Variants in EHBP1 observed in about 807,000 individuals in gnomAD.
The protein encoded by EHBP1 is EH domain binding protein 1.
Under a neutral mutation model 144.0 loss-of-function variants are expected in EHBP1, and 55 were observed. That is an observed-to-expected ratio of 0.38 (90% CI 0.31 to 0.48). The LOEUF is 0.48. Among genes scored for constraint, EHBP1 ranks in the 20% least tolerant of loss-of-function variants. The pLI is 0.98. For synonymous variants in EHBP1, 469 were observed against 472.7 expected (o/e 0.99, Z 0.10); for missense variants, 1,200 against 1,364.2 (o/e 0.88, Z 1.90).
intron 1 of EHBP1, among the ~76,000 whole-genome samples, chr2:62,680,334 G>T (rs1015061202): frequency 6.6e-6 from 1 of 152,174 alleles, no homozygotes; most frequent in Non-Finnish European, 1.5e-5. Context: ...TGAATCTAAA[G>T]ATAAGTGAAT....
chr2:62,913,184 T>C (rs1423271460), intron 10 of EHBP1, among the ~76,000 whole-genome samples: 3 of 152,240 alleles, frequency 2.0e-5, no homozygotes, highest in Non-Finnish European at 1.5e-5. Flanking sequence ...ATTTATGTTT[T>C]AAGATTACTT....
intron 21 of EHBP1, among the ~76,000 whole-genome samples, chr2:63,043,586 T>C (rs1396312480): frequency 6.6e-6 from 1 of 152,214 alleles, no homozygotes; most frequent in Non-Finnish European, 1.5e-5. Flanking sequence ...TGCATCTAAT[T>C]TTTAATTTGT....
chr2:62,729,496 T>A (rs868365489), intron 2 of EHBP1, among the ~76,000 whole-genome samples: 86 of 56,296 alleles, frequency 1.5e-3, no homozygotes, highest in African/African-American at 5.6e-3. Context: ...AATATATAAA[T>A]ATATAATAAA....
intron 7 of EHBP1, 112 bp from the exon 8 acceptor site, chr2:62,859,057 C>A: frequency 9.8e-7 from 1 of 1,018,046 alleles, no homozygotes; most frequent in Non-Finnish European, 1.4e-6. Flanking sequence ...ATGCTATATA[C>A]TATTATTTGC....
chr2:62,913,359 GCTGATTTTTCA>G (rs1380660521), intron 10 of EHBP1, among the ~76,000 whole-genome samples: 5 of 152,068 alleles, frequency 3.3e-5, no homozygotes, highest in Non-Finnish European at 5.9e-5. Flanking sequence ...TTGAAGTTTT[GCTGATTTTTCA>G]CTGAGGACAA....
chr2:62,775,110 C>T (rs2041964957), intron 5 of EHBP1, among the ~76,000 whole-genome samples: 3 of 152,106 alleles, frequency 2.0e-5, no homozygotes. Context: ...TTTCTAAAGT[C>T]TCCAAAAGAG....
chr2:62,712,584 A>G (rs913758246), intron 2 of EHBP1, among the ~76,000 whole-genome samples: 2 of 152,234 alleles, frequency 1.3e-5, no homozygotes, highest in Admixed American at 6.5e-5. Context: ...TCAGGAATGT[A>G]TAACTGAGGG....
chr2:62,955,644 A>C lies in EHBP1; in HGVS notation c.2444A>C (p.Asn815Thr), dbSNP rs777718382. 12 of 1,611,218 alleles carry C rather than the reference A, an allele frequency of 7.4e-6. No homozygotes were observed. The Admixed American group carries it at 2.0e-4, about 27-fold the overall frequency. Reference protein sequence around the residue: ...HNTNTATPFCNRQLSDQQDEE... With the variant: ...HNTNTATPFCTRQLSDQQDEE... ...ACCAACACAGCCACCCCATTCTGCA[A>C]CAGGCAGCTAAGTGATGTGAGGAGC... Residue 815 changes from asparagine to threonine, a missense_variant, in exon 14 of 23, where the codon AAC (asparagine) becomes ACC (threonine). Transcript: ENST00000431489.
At chr2:62,886,133 A>G (rs531088806) in intron 10 of EHBP1, among the ~76,000 whole-genome samples, 1 of 152,300 alleles carries the variant, frequency 6.6e-6, no homozygotes, top group South Asian at 2.1e-4. Flanking sequence ...TTCACCTTAT[A>G]TAATGGCTTC....
At chr2:62,827,078 T>C (rs1425389650) in intron 6 of EHBP1, among the ~76,000 whole-genome samples, 1 of 152,182 alleles carries the variant, frequency 6.6e-6, no homozygotes, top group African/African-American at 2.4e-5. Context: ...TGAATCACAG[T>C]TCTGAATGTA....
chr2:63,020,628 ATCAG>A (rs1475057318), intron 19 of EHBP1, among the ~76,000 whole-genome samples: 7 of 152,074 alleles, frequency 4.6e-5, no homozygotes, highest in African/African-American at 1.4e-4. Flanking sequence ...AGCTACTGCT[ATCAG>A]TCAGAGTAGT....
intron 15 of EHBP1, among the ~76,000 whole-genome samples, chr2:62,985,017 T>C (rs530675391): frequency 6.6e-6 from 1 of 152,246 alleles, no homozygotes; most frequent in African/African-American, 2.4e-5. Flanking sequence ...TTGATTGTGA[T>C]GGTGGCCTCA....
intron 7 of EHBP1, among the ~76,000 whole-genome samples, chr2:62,832,457 T>TA (rs70962796): frequency 1.3e-5 from 2 of 149,726 alleles, no homozygotes; most frequent in Non-Finnish European, 3.0e-5. Context: ...TTTTTTTTTT[T>TA]ACAAATTGAA....
chr2:62,950,742 A>G (rs1335780539), intron 13 of EHBP1, among the ~76,000 whole-genome samples: 1 of 151,898 alleles, frequency 6.6e-6, no homozygotes. Context: ...CTGGAGTGCA[A>G]TGGTGCCATC....
intron 5 of EHBP1, among the ~76,000 whole-genome samples, chr2:62,818,021 A>G (rs1343062506): frequency 6.6e-6 from 1 of 152,022 alleles, no homozygotes; most frequent in Non-Finnish European, 1.5e-5. Context: ...GGACAGCAGT[A>G]TATACACAGC....
At chr2:62,939,642 A>G in intron 10 of EHBP1, among the ~76,000 whole-genome samples, 1 of 152,258 alleles carries the variant, frequency 6.6e-6, no homozygotes, top group East Asian at 1.9e-4. Flanking sequence ...TTAACCATGC[A>G]GATATCTGAG....
intron 10 of EHBP1, among the ~76,000 whole-genome samples, chr2:62,899,255 G>C (rs2053203377): frequency 6.6e-6 from 1 of 152,136 alleles, no homozygotes; most frequent in Non-Finnish European, 1.5e-5. Context: ...CAAGGCCATG[G>C]GGGACTGAGC....
chr2:62,829,605 A>G (rs13386024), intron 6 of EHBP1, among the ~76,000 whole-genome samples: 2 of 145,898 alleles, frequency 1.4e-5, no homozygotes, highest in African/African-American at 5.0e-5. Flanking sequence ...GTATATATAT[A>G]TTATATATAA....
chr2:62,992,207 A>G (rs1036263058), intron 16 of EHBP1, among the ~76,000 whole-genome samples: 1 of 152,172 alleles, frequency 6.6e-6, no homozygotes, highest in Non-Finnish European at 1.5e-5. Flanking sequence ...TATTTTGGTA[A>G]AGACTTGAGT....
Sources: allele counts gnomAD v4.1 joint callset (sites outside exome capture counted in the v4.1 genomes callset), GRCh38; gene constraint gnomAD v4.1.1; transcripts MANE v1.5; gene names NCBI Gene and HGNC (gene_info 2026-07-23, HGNC 2026-07-21).